SRGAP1: variants seen among roughly 807,000 people sequenced by gnomAD.
SRGAP1 encodes the protein SLIT-ROBO Rho GTPase-activating protein 1.
Under a neutral mutation model 121.9 loss-of-function variants are expected in SRGAP1, and 43 were observed. That is an observed-to-expected ratio of 0.35 (90% CI 0.28 to 0.46). The LOEUF (loss-of-function observed/expected upper bound fraction) is 0.46, where lower values mean the gene tolerates loss of function less well. Ranked by LOEUF, SRGAP1 falls within the 20% of genes least tolerant of loss-of-function variation. The pLI is 1.00. For synonymous variants in SRGAP1, 447 were observed against 485.4 expected, an observed-to-expected ratio of 0.92 and a Z score of 1.04; for missense variants, 1,102 against 1,350.9, an observed-to-expected ratio of 0.82 and a Z score of 2.89.
In SRGAP1 at chr12:64,142,322, T is replaced by C; in HGVS notation, c.2908T>C (p.Leu970=). Residue 970 remains leucine, a synonymous_variant, in exon 22 of 22, where the codon TTG becomes CTG. Transcript: ENST00000355086. ...QDIEETMNTA[L]NELRELERQS... ...TATTGAAGAAACGATGAACACAGCT[T>C]TGAATGAACTCCGAGAACTGGAGAG... is the stretch of plus-strand genomic sequence containing the variant. 1 of 1,614,028 alleles carries C rather than the reference T, an allele frequency of 6.2e-7. No individual in the cohort carries two copies. The highest frequency in any genetic ancestry group is 8.5e-7 in the Non-Finnish European group (1 of 1,179,932).
intron 3 of SRGAP1, among the ~76,000 whole-genome samples, chr12:64,006,300 A>T (rs1244385900): frequency 6.6e-6 from 1 of 152,064 alleles, no homozygotes; most frequent in Non-Finnish European, 1.5e-5. Flanking sequence ...GGTAGATAAG[A>T]CTCCTGGTGG....
At chr12:63,890,101 A>C (rs1354860711) in intron 1 of SRGAP1, among the ~76,000 whole-genome samples, 1 of 152,144 alleles carries the variant, frequency 6.6e-6, no homozygotes, top group Non-Finnish European at 1.5e-5. Flanking sequence ...CTTTGCAGGT[A>C]CTTCTGGTGT....
rs1172534490 is a variant in SRGAP1 at position 64,156,056 on chromosome 12, C to T, written c.*13384C>T. ...TCAGATTAAAACAAACAAACAAAAGCTGAGGTTTAAAGAAATTATCTCTTG... is the reference window on the plus strand; with the variant it reads ...TCAGATTAAAACAAACAAACAAAAGTTGAGGTTTAAAGAAATTATCTCTTG... On this transcript the variant is annotated 3_prime_UTR_variant, in exon 22 of 22. Transcript: ENST00000355086. 6.6e-6 allele frequency: 1 copy of T among 152,146 alleles called. No individual in the cohort carries two copies. Among genetic ancestry groups the T allele is most frequent in the Non-Finnish European group, 1.5e-5 (1 of 68,044 alleles). 9.4% of individuals were successfully genotyped at this position (152,146 alleles called of 1,614,324 possible).
At chr12:64,021,783 T>G (rs2034555212) in intron 4 of SRGAP1, among the ~76,000 whole-genome samples, 1 of 152,222 alleles carries the variant, frequency 6.6e-6, no homozygotes, top group African/African-American at 2.4e-5. Flanking sequence ...ATTGAACATG[T>G]GGCTCAATGG....
intron 18 of SRGAP1, among the ~76,000 whole-genome samples, chr12:64,122,231 C>CT (rs1315889248): frequency 2.6e-5 from 4 of 152,204 alleles, no homozygotes; most frequent in South Asian, 2.1e-4. Context: ...TGCAGGAAAA[C>CT]TAAGTGATCA....
Position 64,146,668 on chromosome 12 carries a change from A to G in SRGAP1, c.*3996A>G, listed in dbSNP as rs1565702547. 1 of 152,174 alleles carries G rather than the reference A, an allele frequency of 6.6e-6. No individual in the cohort carries two copies. The highest frequency in any genetic ancestry group is 1.5e-5 in the Non-Finnish European group (1 of 68,054). 9.4% of individuals were successfully genotyped at this position (152,174 alleles called of 1,614,324 possible). ...TCAGTCTTGTTTTCGATTATCCACC[A>G]CAGAAACCCTGAGACACAGAGCAGC... On this transcript the variant is annotated 3_prime_UTR_variant, in exon 22 of 22. Coordinates refer to ENST00000355086, the MANE Select transcript of SRGAP1 (RefSeq NM_020762.4).
chr12:64,156,435 G>A lies in SRGAP1; in HGVS notation c.*13763G>A, dbSNP rs1214059785. ...TTCCAGTGTTTTTGCTCTTTTAGTA[G>A]CAAATACTCTGAATCTCTGCATATG... On this transcript the variant is annotated 3_prime_UTR_variant, in exon 22 of 22. Coordinates refer to ENST00000355086, the MANE Select transcript of SRGAP1 (RefSeq NM_020762.4). The A allele has an allele frequency of 6.6e-6, 1 of 151,792 alleles. No homozygotes were observed. Among genetic ancestry groups the A allele is most frequent in the Non-Finnish European group, 1.5e-5 (1 of 67,898 alleles). 9.4% of individuals were successfully genotyped at this position (151,792 alleles called of 1,614,324 possible).
In SRGAP1 at chr12:63,967,539, A is replaced by C. The variant is rs113295603; in HGVS notation, c.68-16408A>C. ...GAACCAGTGGACGAGTTCTTATTGC[A>C]GGCAAGGAAACTTTTCCTAGGGTTG... On this transcript the variant is annotated intron_variant, in intron 1 of 21. Coordinates refer to ENST00000355086, the MANE Select transcript of SRGAP1 (RefSeq NM_020762.4). Among the ~76,000 whole-genome samples, 397 of 152,344 alleles carry C rather than the reference A, an allele frequency of 2.6e-3. 1 individual carries two copies. Among genetic ancestry groups the C allele is most frequent in the African/African-American group, 9.1e-3 (377 of 41,586 alleles).
At chr12:63,912,422 G>A (rs940546318) in intron 1 of SRGAP1, among the ~76,000 whole-genome samples, 2 of 152,128 alleles carry the variant, frequency 1.3e-5, no homozygotes, top group Admixed American at 6.6e-5. Flanking sequence ...AGCCTGGGCA[G>A]CAAAGCGAGA....
intron 1 of SRGAP1, among the ~76,000 whole-genome samples, chr12:63,951,753 A>G (rs767873549): frequency 2.6e-5 from 4 of 152,164 alleles, no homozygotes; most frequent in African/African-American, 4.8e-5. Flanking sequence ...AATGAAGACA[A>G]ACTTTCTCAA....
At chr12:63,914,166 C>G (rs931460277) in intron 1 of SRGAP1, among the ~76,000 whole-genome samples, 12 of 152,130 alleles carry the variant, frequency 7.9e-5, no homozygotes. Flanking sequence ...TGTTTTATCC[C>G]TCAGTCATTG....
chr12:64,020,114 C>A (rs1047095353), intron 4 of SRGAP1, among the ~76,000 whole-genome samples: 2 of 152,130 alleles, frequency 1.3e-5, no homozygotes, highest in African/African-American at 4.8e-5. Flanking sequence ...ATTGCTCCCA[C>A]AGCAATTGTT....
chr12:63,861,605 A>G (rs115470936), intron 1 of SRGAP1, among the ~76,000 whole-genome samples: 3,098 of 152,138 alleles, frequency 0.02, 117 homozygotes, highest in African/African-American at 0.07. Flanking sequence ...AGCCAGGCAT[A>G]AATTTTTATA....
intron 1 of SRGAP1, among the ~76,000 whole-genome samples, chr12:63,862,300 G>A (rs1899481618): frequency 6.6e-6 from 1 of 152,140 alleles, no homozygotes; most frequent in South Asian, 2.1e-4. Context: ...GGAGACCTAT[G>A]ACACTAGGCC....
At chr12:63,864,511 A>G (rs1899558479) in intron 1 of SRGAP1, among the ~76,000 whole-genome samples, 1 of 152,180 alleles carries the variant, frequency 6.6e-6, no homozygotes, top group African/African-American at 2.4e-5. Context: ...CAGTTTAACT[A>G]TGGGCAAATT....
chr12:64,019,479 G>A (rs1242054498), intron 4 of SRGAP1, among the ~76,000 whole-genome samples: 1 of 152,038 alleles, frequency 6.6e-6, no homozygotes, highest in Non-Finnish European at 1.5e-5. Flanking sequence ...TGAGCTCCTG[G>A]GGAAAAAATT....
At chr12:63,891,687 C>T (rs1900585091) in intron 1 of SRGAP1, among the ~76,000 whole-genome samples, 1 of 151,812 alleles carries the variant, frequency 6.6e-6, no homozygotes, top group Non-Finnish European at 1.5e-5. Flanking sequence ...TCTATGTCCC[C>T]CTTGAAAAAA....
chr12:64,101,308 G>GGTGTGT (rs59020353), intron 15 of SRGAP1, among the ~76,000 whole-genome samples: 14,091 of 137,928 alleles, frequency 0.1, 733 homozygotes, highest in Middle Eastern at 0.16. Context: ...TGGGGAAAGG[G>GGTGTGT]GTGTGTGTGT....
intron 17 of SRGAP1, among the ~76,000 whole-genome samples, chr12:64,114,864 C>G (rs1341393471): frequency 6.6e-6 from 1 of 152,106 alleles, no homozygotes; most frequent in Non-Finnish European, 1.5e-5. Context: ...ATGGGTATTG[C>G]TCATTTTAAA....
Sources: allele counts gnomAD v4.1 joint callset (sites outside exome capture counted in the v4.1 genomes callset), GRCh38; gene constraint gnomAD v4.1.1; transcripts MANE v1.5; gene names NCBI Gene and HGNC (gene_info 2026-07-23, HGNC 2026-07-21).